ZNF512B: variants seen among roughly 807,000 people sequenced by gnomAD.
ZNF512B encodes zinc finger protein 512B.
A neutral mutation model predicts 87.8 loss-of-function variants in ZNF512B; 22 were observed. The observed-to-expected ratio is 0.25, with a 90% CI of 0.18 to 0.36. ZNF512B has a LOEUF of 0.36. Ranked by LOEUF, ZNF512B falls within the 10% of genes least tolerant of loss-of-function variation. The probability of loss-of-function intolerance (pLI) is 1.00; values close to 1 mark genes in which losing one functional copy is unlikely to be tolerated. For missense variants in ZNF512B, 1,060 were observed against 1,231.6 expected, an observed-to-expected ratio of 0.86 and a Z score of 2.09; for synonymous variants, 524 against 490.9, an observed-to-expected ratio of 1.07 and a Z score of -0.89.
Position 63,969,871 on chromosome 20 carries a change from G to A in ZNF512B, c.-60C>T, listed in dbSNP as rs1289507920. The A allele has an allele frequency of 6.9e-6, 1 of 145,812 alleles. No individual in the cohort carries two copies. The highest frequency in any genetic ancestry group is 1.5e-5 in the Non-Finnish European group (1 of 65,570). The allele number at this position is 145,812 out of a possible 1,614,324, so 9.0% of individuals were successfully genotyped here. On this transcript the variant is annotated 5_prime_UTR_variant, in exon 1 of 17. Coordinates refer to ENST00000369888, the MANE Select transcript of ZNF512B (RefSeq NM_020713.3). ...GGCCGGGCCGGGGCGGGGGGCGCGGGGCGCGGGGCGCTGGGTCCGGGCGGC... is the reference window on the plus strand; with the variant it reads ...GGCCGGGCCGGGGCGGGGGGCGCGGAGCGCGGGGCGCTGGGTCCGGGCGGC...
Position 63,961,252 on chromosome 20 carries a change from G to T in ZNF512B, c.2427+57C>A. 6.4e-7 allele frequency: 1 copy of T among 1,568,884 alleles called. No homozygotes were observed. The highest frequency in any genetic ancestry group is 8.7e-7 in the Non-Finnish European group (1 of 1,147,044). On this transcript the variant is annotated intron_variant, in intron 16 of 16. Transcript: ENST00000369888. The surrounding 1 kb of genome is among the most constrained non-coding windows in gnomAD (Gnocchi z 6.4). The stretch of plus-strand genomic sequence containing the variant: ...TACCCCCAAGGGGTGCCCAACCCCA[G>T]CCCTGTCCCCTCCTGGGCTAGCCCC...
chr20:63,967,331 G>A (rs761404240), intron 3 of ZNF512B, 50 bp downstream of exon 3: 31 of 1,543,464 alleles, frequency 2.0e-5, no homozygotes, highest in Non-Finnish European at 2.5e-5. Context: ...GGCAGTGGCT[G>A]GATAGGGAGA....
In ZNF512B at chr20:63,958,231, T is replaced by G; in HGVS notation, c.*1657A>C. 1 of 152,068 alleles carries G rather than the reference T, an allele frequency of 6.6e-6. No homozygotes were observed. The highest frequency in any genetic ancestry group is 1.9e-4 in the East Asian group (1 of 5,166). The allele number at this position is 152,068 out of a possible 1,614,324, so 9.4% of individuals were successfully genotyped here. On this transcript the variant is annotated 3_prime_UTR_variant, in exon 17 of 17. Transcript: ENST00000369888. ...CTGGGGAATGGGGGAGGGTGGGTGC[T>G]GGGGGCAGAGGCAGTGCCCAGTCAG...
chr20:63,969,847 G>A lies in ZNF512B; in HGVS notation c.-36C>T, dbSNP rs1179486393. 2.2e-5 allele frequency: 3 copies of A among 134,186 alleles called. No individual in the cohort carries two copies. The highest frequency in any genetic ancestry group is 3.3e-5 in the Non-Finnish European group (2 of 60,560). 8.3% of individuals were successfully genotyped at this position (134,186 alleles called of 1,614,324 possible). A position where few individuals can be genotyped will look rare whatever the true frequency, so the allele number is the denominator to read the frequency against. On this transcript the variant is annotated 5_prime_UTR_variant, in exon 1 of 17. Transcript: ENST00000369888. ...CCCAGCGGGGCTGCGGCCGGGCCGGGCCGGGCCGGGGCGGGGGGCGCGGGG... is the reference window on the plus strand; with the variant it reads ...CCCAGCGGGGCTGCGGCCGGGCCGGACCGGGCCGGGGCGGGGGGCGCGGGG...
Position 63,966,585 on chromosome 20 carries a change from G to A in ZNF512B, c.590C>T (p.Pro197Leu), listed in dbSNP as rs1049686979. The A allele has an allele frequency of 1.2e-6, 2 of 1,613,944 alleles. No individual in the cohort carries two copies. The highest frequency in any genetic ancestry group is 1.7e-6 in the Non-Finnish European group (2 of 1,180,044). The change falls in exon 5 of 17, where the codon CCT (proline) becomes CTT (leucine). Residue 197 changes from proline (P) to leucine (L), a missense_variant. Pro to Leu is a moderately conservative substitution (Grantham distance 98, BLOSUM62 -3). This residue lies in a region of ZNF512B where 201 missense variants were observed against 226.8 expected (regional missense o/e 0.89). Coordinates refer to ENST00000369888, the MANE Select transcript of ZNF512B (RefSeq NM_020713.3). ...ACCCACAGGTTTGCCAATAGTGACA[G>A]GTTTGCTCACTCCGATGGGCTTGCT... ...GVSKPIGVSK[P>L]VTIGKPVGVS...
chr20:63,963,098 G>C lies in ZNF512B; in HGVS notation c.1965C>G (p.Ala655=). ...CACAGAACAGAGAGCCACTCACGGG[G>C]GCCGTGTGCTCCGAGCGCACGTGGT... ...HDYHVRSEHT[A]PPPEEPTDKS... The change falls in exon 12 of 17, where the codon GCC becomes GCG. Residue 655 remains alanine (A), a synonymous_variant. Transcript: ENST00000369888. The C allele has an allele frequency of 6.4e-7, 1 of 1,555,526 alleles. No homozygotes were observed. Among genetic ancestry groups the C allele is most frequent in the Non-Finnish European group, 8.6e-7 (1 of 1,157,258 alleles).
chr20:63,961,169 A>C lies in ZNF512B; in HGVS notation c.2427+140T>G, dbSNP rs1484403661. 4.1e-6 allele frequency: 3 copies of C among 734,168 alleles called. No homozygotes were observed. The highest frequency in any genetic ancestry group is 6.9e-6 in the Non-Finnish European group (3 of 437,306). The allele number at this position is 734,168 out of a possible 1,614,324, so 45.5% of individuals were successfully genotyped here. A position where few individuals can be genotyped will look rare whatever the true frequency, so the allele number is the denominator to read the frequency against. On this transcript the variant is annotated intron_variant, in intron 16 of 16. Coordinates refer to ENST00000369888, the MANE Select transcript of ZNF512B (RefSeq NM_020713.3). The surrounding 1 kb of genome is among the most constrained non-coding windows in gnomAD (Gnocchi z 6.4). ...GACCCCACTTTGAGGAGAAACTACC[A>C]GATTTCTCCACATTGGCCACTCTCC...
In ZNF512B at chr20:63,957,498, G is replaced by C. The variant is rs549497384; in HGVS notation, c.*2390C>G. ...GGGCTCTGCGGACCAGCATGTGGCA[G>C]AGGGAGGGCAGAAAGGAGGGGGTCA... On this transcript the variant is annotated 3_prime_UTR_variant, in exon 17 of 17. Coordinates refer to ENST00000369888, the MANE Select transcript of ZNF512B (RefSeq NM_020713.3). The C allele has an allele frequency of 2.6e-5, 4 of 152,674 alleles. No homozygotes were observed. The highest frequency in any genetic ancestry group is 5.9e-5 in the Non-Finnish European group (4 of 68,148). The allele number at this position is 152,674 out of a possible 1,614,324, so 9.5% of individuals were successfully genotyped here.
Position 63,966,950 on chromosome 20 carries a change from A to G in ZNF512B, c.319T>C (p.Cys107Arg). The G allele has an allele frequency of 1.9e-6, 3 of 1,613,754 alleles. No homozygotes were observed. The highest frequency in any genetic ancestry group is 2.5e-6 in the Non-Finnish European group (3 of 1,180,012). Residue 107 changes from cysteine (C) to arginine (R), a missense_variant, in exon 4 of 17, where the codon TGT (cysteine) becomes CGT (arginine). By Grantham distance (180) the Cys-to-Arg change is radical. Around this residue, in one of 9 missense-constraint regions of ZNF512B, gnomAD observed 134 missense variants for 153.6 expected, o/e 0.87. Transcript: ENST00000369888. ...TCCAGCCAGCACCCTGAGTTTGGAC[A>G]CTTCACCCTCGAGTGTGCCTTGAAC... ...DEFKAHSRVK[C>R]PNSGCWLEFP...
At chr20:63,962,158 G>A (rs1266632112) in intron 14 of ZNF512B, 115 bp downstream of exon 14, 3 of 1,298,184 alleles carry the variant, frequency 2.3e-6, no homozygotes, top group Middle Eastern at 5.1e-4. Context: ...TGAGGCCTGG[G>A]GTGGGCTTGG....
At chr20:63,962,856 C>A in intron 12 of ZNF512B, 75 bp from the exon 13 acceptor site, 1 of 1,428,184 alleles carries the variant, frequency 7.0e-7, no homozygotes, top group Non-Finnish European at 9.3e-7. Context: ...GCGAGGCCAC[C>A]CTAAGGCCGG....
At chr20:63,960,963 A>C (rs2058844419) in intron 16 of ZNF512B, among the ~76,000 whole-genome samples, 1 of 142,402 alleles carries the variant, frequency 7.0e-6, no homozygotes, top group Non-Finnish European at 1.5e-5. Context: ...GGGACCAGGC[A>C]AGCACCTGCA....
rs918976708 is a variant in ZNF512B, at chr20:63,959,581, A to C, written c.*307T>G. The C allele has an allele frequency of 1.3e-5, 5 of 398,430 alleles. No individual in the cohort carries two copies. The highest frequency in any genetic ancestry group is 2.1e-5 in the African/African-American group (1 of 48,230). The allele number at this position is 398,430 out of a possible 1,614,324, so 24.7% of individuals were successfully genotyped here. On this transcript the variant is annotated 3_prime_UTR_variant, in exon 17 of 17. Transcript: ENST00000369888. ...CCGGGGGGCCAAAGGCCATCTGCCT[A>C]CTCTGCGCTGCAGCCCCTGTGGCAC... is the stretch of plus-strand genomic sequence containing the variant.
intron 5 of ZNF512B, 80 bp downstream of exon 5, chr20:63,966,061 C>T: frequency 1.7e-6 from 1 of 602,008 alleles, no homozygotes; most frequent in Admixed American, 3.5e-5. Context: ...TTTCTTACCA[C>T]TGTTCCTCCC....
At chr20:63,962,110 G>A (rs774431514) in intron 14 of ZNF512B, 106 bp from the exon 15 acceptor site, 136 of 1,381,070 alleles carry the variant, frequency 9.8e-5, no homozygotes, top group Non-Finnish European at 1.3e-4. Flanking sequence ...GGGCAAGTGA[G>A]GGGGTGTGAG....
chr20:63,966,006 C>A lies in ZNF512B; in HGVS notation c.1034+135G>T. 1.5e-6 allele frequency: 2 copies of A among 1,309,996 alleles called. 1 individual carries two copies. Among genetic ancestry groups the A allele is most frequent in the African/African-American group, 5.5e-5 (2 of 36,548 alleles). The allele number at this position is 1,309,996 out of a possible 1,614,324, so 81.1% of individuals were successfully genotyped here. ...CCCGACCTGGGACGAGCCCCCATAC[C>A]TTTTCTCACCACTGTTCCCCGACCT... On this transcript the variant is annotated intron_variant, in intron 5 of 16. Coordinates refer to ENST00000369888, the MANE Select transcript of ZNF512B (RefSeq NM_020713.3).
Position 63,962,606 on chromosome 20 carries a change from A to G in ZNF512B, c.2144T>C (p.Leu715Pro). 1 of 1,607,048 alleles carries G rather than the reference A, an allele frequency of 6.2e-7. No individual in the cohort carries two copies. The highest frequency in any genetic ancestry group is 8.5e-7 in the Non-Finnish European group (1 of 1,179,012). Residue 715 changes from leucine (L) to proline (P), a missense_variant, in exon 13 of 17, where the codon CTT (leucine) becomes CCT (proline). Physicochemically the swap from Leu to Pro is moderately conservative, Grantham distance 98. Around this residue, in one of 9 missense-constraint regions of ZNF512B, gnomAD observed 253 missense variants for 259.2 expected, o/e 0.98. Coordinates refer to ENST00000369888, the MANE Select transcript of ZNF512B (RefSeq NM_020713.3). ...DWTKRRMKDD[L>P]VPETARLNYT... ...GCTCACCCGTGCGGTCTCGGGCACA[A>G]GGTCATCCTTCATGCGCCGCTTGGT...
intron 2 of ZNF512B, 45 bp downstream of exon 2, chr20:63,967,785 T>G (rs1383431972): frequency 6.3e-7 from 1 of 1,588,140 alleles, no homozygotes; most frequent in South Asian, 1.1e-5. Flanking sequence ...TACCACTTGC[T>G]GCCCAGAACC....
Position 63,969,856 on chromosome 20 carries a change from G to T in ZNF512B, c.-45C>A. 7.2e-6 allele frequency: 1 copy of T among 139,640 alleles called. No homozygotes were observed. Among genetic ancestry groups the T allele is most frequent in the South Asian group, 2.1e-4 (1 of 4,776 alleles). 8.7% of individuals were successfully genotyped at this position (139,640 alleles called of 1,614,324 possible). On this transcript the variant is annotated 5_prime_UTR_variant, in exon 1 of 17. Coordinates refer to ENST00000369888, the MANE Select transcript of ZNF512B (RefSeq NM_020713.3). The stretch of plus-strand genomic sequence containing the variant: ...GCTGCGGCCGGGCCGGGCCGGGCCG[G>T]GGCGGGGGGCGCGGGGCGCGGGGCG...
Sources: gnomAD v4.1 joint callset for allele counts (sites outside exome capture counted in the v4.1 genomes callset) on GRCh38, gnomAD v4.1.1 for gene constraint, gnomAD v4.1.1 regional missense constraint, Gnocchi (gnomAD v3.1) non-coding constraint, MANE v1.5 for transcripts, NCBI Gene and HGNC (gene_info 2026-07-23, HGNC 2026-07-21) for gene names.